Variants in TRAPPC9 observed in about 807,000 individuals in gnomAD.
TRAPPC9 encodes trafficking protein particle complex subunit 9, also known as IKK2 binding protein.
In TRAPPC9, 83 loss-of-function variants were observed where a neutral mutation model predicts 124.0. The ratio of observed to expected loss-of-function variants is 0.67; its 90% CI spans 0.56 to 0.80. The LOEUF (loss-of-function observed/expected upper bound fraction) is 0.80, where lower values mean the gene tolerates loss of function less well. Among genes scored for constraint, TRAPPC9 ranks in the 30% least tolerant of loss-of-function variants. The pLI is 0.00. For missense variants in TRAPPC9, 1,302 were observed against 1,508.3 expected, an observed-to-expected ratio of 0.86 and a Z score of 2.27; for synonymous variants, 638 against 617.5, an observed-to-expected ratio of 1.03 and a Z score of -0.49.
chr8:140,181,489 C>T (rs894582186), intron 17 of TRAPPC9, among the ~76,000 whole-genome samples: 2 of 152,094 alleles, frequency 1.3e-5, no homozygotes, highest in African/African-American at 2.4e-5. Flanking sequence ...TGGGGTTTCA[C>T]CATGTTGGCC....
Position 140,370,969 on chromosome 8 carries a change from C to A in TRAPPC9, c.1346G>T (p.Ser449Ile), listed in dbSNP as rs540780894. 1 of 1,614,122 alleles carries A rather than the reference C, an allele frequency of 6.2e-7. No homozygotes were observed. The highest frequency in any genetic ancestry group is 1.3e-5 in the African/African-American group (1 of 75,064). ...YSLSLDPKDF[S>I]RGTHRGWAAV... Reference sequence around the variant, plus strand: ...CAGCAAGGGGACTCCAGTACCTCTGCTGAAATCTTTGGGATCCAGCGACAG... The same window carrying A: ...CAGCAAGGGGACTCCAGTACCTCTGATGAAATCTTTGGGATCCAGCGACAG... Residue 449 changes from serine to isoleucine, a missense_variant, in exon 8 of 23, where the codon AGC (serine) becomes ATC (isoleucine). By Grantham distance (142) the Ser-to-Ile change is moderately radical (BLOSUM62 -2). Around this residue, in one of 3 missense-constraint regions of TRAPPC9, gnomAD observed 657 missense variants for 811.2 expected, o/e 0.81. Coordinates refer to ENST00000438773, the MANE Select transcript of TRAPPC9 (RefSeq NM_001160372.4).
rs573918372 is a variant in TRAPPC9 at position 140,213,118 on chromosome 8, T to A, written c.2556+8341A>T. ...GTTTTTTTGTTTTTTTACTTTCTAA[T>A]CTTCTTTTTTGTTGACTTTTTTATT... On this transcript the variant is annotated intron_variant, in intron 17 of 22. Transcript: ENST00000438773. 7.3e-4 allele frequency among the ~76,000 whole-genome samples: 110 copies of A among 151,420 alleles called. 1 individual carries two copies. In the South Asian group the frequency reaches 0.019, roughly 26 times the overall value.
chr8:139,784,608 C>CATACATATATATATATATATAT (rs1554643612), intron 21 of TRAPPC9, among the ~76,000 whole-genome samples: 1 of 88,678 alleles, frequency 1.1e-5, no homozygotes, highest in African/African-American at 4.0e-5. Context: ...AAAAGACTGA[C>CATACATATATATATATATATAT]ATATATATAT....
rs1234805573 is a variant in TRAPPC9, at chr8:140,443,194, G to C, written c.585-3997C>G. ...CTCACACCTGTAATCCCAGCACTTT[G>C]GGAGGCCAAGGCGGGCAGATCACAA... On this transcript the variant is annotated intron_variant, in intron 2 of 22. Transcript: ENST00000438773. Among the ~76,000 whole-genome samples the C allele has an allele frequency of 2.1e-5, 3 of 142,998 alleles. No homozygotes were observed. In the South Asian group the frequency reaches 6.7e-4, roughly 32 times the overall value. 93.8% of individuals were successfully genotyped at this position (142,998 alleles called of 152,430 possible).
chr8:139,909,323 G>C (rs1049686166), intron 20 of TRAPPC9, among the ~76,000 whole-genome samples: 1 of 152,148 alleles, frequency 6.6e-6, no homozygotes, highest in Non-Finnish European at 1.5e-5. Context: ...ACTTCTAGCA[G>C]CCACTCAAAT....
chr8:140,162,631 T>C (rs1168239092), intron 17 of TRAPPC9, among the ~76,000 whole-genome samples: 1 of 152,198 alleles, frequency 6.6e-6, no homozygotes, highest in Non-Finnish European at 1.5e-5. Context: ...CTCTGTGAGG[T>C]GGATGGTGGT....
intron 17 of TRAPPC9, among the ~76,000 whole-genome samples, chr8:140,154,421 T>G (rs1235250698): frequency 6.6e-6 from 1 of 152,108 alleles, no homozygotes; most frequent in South Asian, 2.1e-4. Flanking sequence ...GCAGCTGGGG[T>G]GCAAATCTCA....
intron 9 of TRAPPC9, among the ~76,000 whole-genome samples, chr8:140,357,122 C>T (rs921158479): frequency 7.2e-5 from 11 of 152,088 alleles, no homozygotes; most frequent in Non-Finnish European, 1.0e-4. Flanking sequence ...CAACTAAATA[C>T]GTAACTGATG....
chr8:139,738,142 G>A (rs1818322815), intron 21 of TRAPPC9, among the ~76,000 whole-genome samples: 1 of 152,170 alleles, frequency 6.6e-6, no homozygotes. Flanking sequence ...CTTTTTGCCT[G>A]GACCTCGAAT....
intron 14 of TRAPPC9, among the ~76,000 whole-genome samples, chr8:140,282,513 A>G (rs1409920611): frequency 6.6e-6 from 1 of 151,654 alleles, no homozygotes; most frequent in Non-Finnish European, 1.5e-5. Context: ...AAAAAAAAAA[A>G]AAAAGATTGT....
intron 17 of TRAPPC9, among the ~76,000 whole-genome samples, chr8:140,108,560 C>T (rs1446163484): frequency 1.3e-5 from 2 of 152,342 alleles, no homozygotes; most frequent in East Asian, 3.9e-4. Context: ...TCTACGCCTA[C>T]CCTCACAGGC....
intron 7 of TRAPPC9, among the ~76,000 whole-genome samples, chr8:140,382,944 G>A (rs943837247): frequency 5.9e-5 from 9 of 152,298 alleles, no homozygotes; most frequent in Admixed American, 3.9e-4. Context: ...TCACATGGCC[G>A]GGTAGCCCTC....
intron 21 of TRAPPC9, among the ~76,000 whole-genome samples, chr8:139,793,853 G>A (rs1163617944): frequency 1.3e-5 from 2 of 152,212 alleles, no homozygotes; most frequent in Non-Finnish European, 2.9e-5. Flanking sequence ...GAAGGAGGGA[G>A]TGATATTTGA....
intron 18 of TRAPPC9, among the ~76,000 whole-genome samples, chr8:140,015,751 C>T (rs942294119): frequency 6.6e-6 from 1 of 151,976 alleles, no homozygotes; most frequent in Non-Finnish European, 1.5e-5. Flanking sequence ...GAGGCTGCAG[C>T]GAGCTGAGGT....
intron 17 of TRAPPC9, among the ~76,000 whole-genome samples, chr8:140,074,216 C>T (rs1246561498): frequency 6.6e-6 from 1 of 152,168 alleles, no homozygotes; most frequent in Non-Finnish European, 1.5e-5. Flanking sequence ...GGGTTGCTTT[C>T]CTGACAAGAC....
chr8:140,207,677 G>A (rs886278743), intron 17 of TRAPPC9, among the ~76,000 whole-genome samples: 10 of 152,188 alleles, frequency 6.6e-5, no homozygotes, highest in Admixed American at 1.3e-4. Context: ...GGTGCTTCGC[G>A]GTGACAGCGT....
chr8:140,232,624 G>A (rs1449467974), intron 16 of TRAPPC9, among the ~76,000 whole-genome samples: 3 of 152,134 alleles, frequency 2.0e-5, no homozygotes, highest in Admixed American at 6.5e-5. Flanking sequence ...ACGTCACTGC[G>A]CATCAACAGT....
At chr8:140,367,319 T>C (rs904091779) in intron 8 of TRAPPC9, among the ~76,000 whole-genome samples, 1 of 152,230 alleles carries the variant, frequency 6.6e-6, no homozygotes. Flanking sequence ...GGCAACCAAG[T>C]TGTCAACCAA....
At chr8:140,453,997 G>A (rs899429088) in intron 1 of TRAPPC9, among the ~76,000 whole-genome samples, 3 of 152,172 alleles carry the variant, frequency 2.0e-5, no homozygotes, top group African/African-American at 7.2e-5. Context: ...TATTTTAGAA[G>A]TATCATCTCG....
Sources: allele counts gnomAD v4.1 joint callset (sites outside exome capture counted in the v4.1 genomes callset), GRCh38; gene constraint gnomAD v4.1.1; regional missense constraint gnomAD v4.1.1; transcripts MANE v1.5; gene names NCBI Gene and HGNC (gene_info 2026-07-23, HGNC 2026-07-21).